Variants in NINJ2 observed in about 807,000 individuals in gnomAD.
NINJ2 encodes the protein ninjurin-2.
In NINJ2, 12 loss-of-function variants were observed where a neutral mutation model predicts 11.7. The observed-to-expected ratio is 1.02, with a 90% confidence interval of 0.66 to 1.66. The LOEUF (loss-of-function observed/expected upper bound fraction) is 1.66, where lower values mean the gene tolerates loss of function less well. NINJ2 is among the 40% of genes most tolerant of loss of function. The probability of loss-of-function intolerance (pLI) is 0.00; values close to 1 mark genes in which losing one functional copy is unlikely to be tolerated. For missense variants in NINJ2, 187 were observed against 181.8 expected (o/e 1.03, Z -0.16); for synonymous variants, 93 against 76.8 (o/e 1.21, Z -1.10).
intron 1 of NINJ2, among the ~76,000 whole-genome samples, chr12:639,847 G>A (rs950482643): frequency 1.2e-4 from 18 of 152,180 alleles, no homozygotes; most frequent in African/African-American, 4.3e-4. Context: ...GATTGAAACC[G>A]GCAGGGGTAG....
At chr12:573,158 T>A (rs1947402245) in intron 1 of NINJ2, among the ~76,000 whole-genome samples, 1 of 151,806 alleles carries the variant, frequency 6.6e-6, no homozygotes, top group South Asian at 2.1e-4. Flanking sequence ...CCCGAGTAGC[T>A]GGGACTACAG....
intron 1 of NINJ2, among the ~76,000 whole-genome samples, chr12:635,242 G>C (rs960359963): frequency 1.3e-5 from 2 of 151,938 alleles, no homozygotes; most frequent in Admixed American, 6.6e-5. Context: ...GTAGAAACAG[G>C]GTTTCGCCAT....
chr12:634,762 T>C (rs1368101560), intron 1 of NINJ2, among the ~76,000 whole-genome samples: 4 of 152,156 alleles, frequency 2.6e-5, no homozygotes, highest in Non-Finnish European at 4.4e-5. Context: ...CATCTGAAAA[T>C]TGGCACCTCC....
At chr12:621,140 G>A (rs1052012064) in intron 1 of NINJ2, among the ~76,000 whole-genome samples, 1 of 152,146 alleles carries the variant, frequency 6.6e-6, no homozygotes, top group Non-Finnish European at 1.5e-5. Flanking sequence ...ACTAGAAGGA[G>A]AGACAAGTAA....
chr12:568,876 A>ACCCCCCC (rs5795931), intron 1 of NINJ2, among the ~76,000 whole-genome samples: 14 of 112,768 alleles, frequency 1.2e-4, no homozygotes, highest in Non-Finnish European at 1.7e-4. Flanking sequence ...CTGTGAGGAC[A>ACCCCCCC]CCCCCCCCCC....
chr12:631,784 TAA>T (rs1206761915), intron 1 of NINJ2, among the ~76,000 whole-genome samples: 1 of 152,108 alleles, frequency 6.6e-6, no homozygotes, highest in Non-Finnish European at 1.5e-5. Context: ...CATATTCAAT[TAA>T]GAGAGAAAGG....
chr12:617,343 C>T (rs1165622825), intron 1 of NINJ2, among the ~76,000 whole-genome samples: 5 of 152,280 alleles, frequency 3.3e-5, no homozygotes, highest in South Asian at 2.1e-4. Context: ...AGTCAGAGCA[C>T]GTCCTCCCCT....
intron 1 of NINJ2, chr12:643,675 TTG>T: frequency 1.0e-6 from 1 of 987,988 alleles, no homozygotes; most frequent in Non-Finnish European, 1.2e-6. Context: ...CGGCGGTCGT[TTG>T]AGCCACGCCT....
At chr12:592,558 G>A (rs1947730891) in intron 1 of NINJ2, among the ~76,000 whole-genome samples, 1 of 152,120 alleles carries the variant, frequency 6.6e-6, no homozygotes, top group Admixed American at 6.5e-5. Flanking sequence ...AAATTAGCCG[G>A]GCGAGGTGGC....
At chr12:610,598 C>T (rs905770256) in intron 1 of NINJ2, 66 of 985,300 alleles carry the variant, frequency 6.7e-5, no homozygotes, top group Non-Finnish European at 7.8e-5. Flanking sequence ...CTGTTCAGCC[C>T]AGCCACAGGA....
At chr12:587,712 G>A (rs568457977) in intron 1 of NINJ2, among the ~76,000 whole-genome samples, 1 of 152,156 alleles carries the variant, frequency 6.6e-6, no homozygotes, top group Non-Finnish European at 1.5e-5. Context: ...GGTGGCCAGG[G>A]ACCCTGCGCC....
chr12:606,330 T>G (rs1215877187), intron 1 of NINJ2, among the ~76,000 whole-genome samples: 1 of 151,970 alleles, frequency 6.6e-6, no homozygotes, highest in African/African-American at 2.4e-5. Context: ...ATGATAGAGA[T>G]AAAAAATTAG....
intron 1 of NINJ2, chr12:641,128 C>A (rs1258411160): frequency 1.3e-5 from 2 of 152,162 alleles, no homozygotes; most frequent in African/African-American, 4.8e-5. Context: ...ATAATGAAAA[C>A]CAGCCATTGC....
chr12:573,226 C>T (rs909131035), intron 1 of NINJ2, among the ~76,000 whole-genome samples: 8 of 151,934 alleles, frequency 5.3e-5, no homozygotes, highest in African/African-American at 1.9e-4. Flanking sequence ...GGGGTTTCAC[C>T]ATGTTGCCCA....
chr12:565,868 G>C (rs1263601685), intron 2 of NINJ2, 82 bp downstream of exon 2: 11 of 1,188,600 alleles, frequency 9.3e-6, no homozygotes, highest in Non-Finnish European at 1.4e-5. Context: ...GCCAATGCAG[G>C]GTGGCCCAGG....
At chr12:578,861 T>A (rs1048995859) in intron 1 of NINJ2, among the ~76,000 whole-genome samples, 2 of 152,236 alleles carry the variant, frequency 1.3e-5, no homozygotes, top group Non-Finnish European at 2.9e-5. Context: ...AGCCCAGTGC[T>A]GCCAGCTGCT....
intron 1 of NINJ2, among the ~76,000 whole-genome samples, chr12:634,893 T>C (rs974066814): frequency 6.6e-6 from 1 of 152,080 alleles, no homozygotes; most frequent in Non-Finnish European, 1.5e-5. Flanking sequence ...GTACAAGAGG[T>C]TGGAAGAAAC....
chr12:654,462 G>A lies in NINJ2; in HGVS notation c.33+8866C>T, dbSNP rs1265857439. 3.3e-5 allele frequency among the ~76,000 whole-genome samples: 5 copies of A among 150,992 alleles called. No homozygotes were observed. In the East Asian group the frequency reaches 7.8e-4, roughly 23 times the overall value. ...CTTGAACCCGGGAGGCAGAGGTTGC[G>A]GTGAGCCGAGATCATGCCATTGCAC... is the stretch of plus-strand genomic sequence containing the variant. On this transcript the variant is annotated intron_variant, in intron 1 of 3. Transcript: ENST00000305108.
At chr12:634,344 C>T (rs567512326) in intron 1 of NINJ2, among the ~76,000 whole-genome samples, 48 of 143,994 alleles carry the variant, frequency 3.3e-4, no homozygotes, top group Middle Eastern at 3.8e-3. Context: ...ACTGCAACCT[C>T]CGCCTCCCAG....
Sources: gnomAD v4.1 joint callset for allele counts (sites outside exome capture counted in the v4.1 genomes callset) on GRCh38, gnomAD v4.1.1 for gene constraint, MANE v1.5 for transcripts, NCBI Gene and HGNC (gene_info 2026-07-23, HGNC 2026-07-21) for gene names.